The following BICRA variants were observed in gnomAD, a reference collection of about 807,000 sequenced individuals.
The protein encoded by BICRA is BRD4-interacting chromatin-remodeling complex-associated protein.
In BICRA, 31 loss-of-function variants were observed where a neutral mutation model predicts 96.9. The ratio of observed to expected loss-of-function variants is 0.32; its 90% CI spans 0.24 to 0.43. BICRA has a LOEUF of 0.43. BICRA is among the 20% of genes least tolerant of loss of function. The probability of loss-of-function intolerance (pLI) is 1.00; values close to 1 mark genes in which losing one functional copy is unlikely to be tolerated. For missense variants in BICRA, 2,283 were observed against 2,190.3 expected (o/e 1.04, Z -0.84); for synonymous variants, 1,350 against 1,071.8 (o/e 1.26, Z -5.07).
chr19:47,635,584 C>T (rs751289528), intron 1 of BICRA, among the ~76,000 whole-genome samples: 20 of 151,992 alleles, frequency 1.3e-4, no homozygotes, highest in Non-Finnish European at 2.4e-4. Flanking sequence ...AACAGAAGCT[C>T]GATACCTGTT....
At chr19:47,616,616 G>A (rs951610941) in intron 1 of BICRA, among the ~76,000 whole-genome samples, 2 of 151,338 alleles carry the variant, frequency 1.3e-5, no homozygotes, top group Non-Finnish European at 2.9e-5. Context: ...TCCAGCCAGG[G>A]CGACAGAGCA....
rs893305514 is a variant in BICRA at position 47,693,756 on chromosome 19, G to A, written c.2284-359G>A. ...CGGGTGTGGTGCCCCTGCTGCCACC[G>A]CCACCACTGCCTCTGCTTCCTCTGC... On this transcript the variant is annotated intron_variant, in intron 7 of 14. Transcript: ENST00000594866. 2.0e-5 allele frequency among the ~76,000 whole-genome samples: 3 copies of A among 152,252 alleles called. No individual in the cohort carries two copies. The East Asian group carries it at 5.8e-4, about 29-fold the overall frequency.
At chr19:47,616,823 T>C (rs951668198) in intron 1 of BICRA, among the ~76,000 whole-genome samples, 1 of 151,770 alleles carries the variant, frequency 6.6e-6, no homozygotes. Context: ...TATTATCTTT[T>C]ATTTTTATTA....
chr19:47,653,223 A>C (rs752387647), intron 1 of BICRA, among the ~76,000 whole-genome samples: 2 of 151,402 alleles, frequency 1.3e-5, no homozygotes, highest in Non-Finnish European at 2.9e-5. Flanking sequence ...GGGTTTCATC[A>C]TGTTGGCCAG....
At chr19:47,621,481 T>C (rs1211147847) in intron 1 of BICRA, among the ~76,000 whole-genome samples, 1 of 151,846 alleles carries the variant, frequency 6.6e-6, no homozygotes, top group African/African-American at 2.4e-5. Flanking sequence ...TTTTTTTTTT[T>C]TTTAAATGCG....
rs759806060 is a variant in BICRA at position 47,695,446 on chromosome 19, C to A, written c.3158C>A (p.Ser1053Tyr). 6.3e-7 allele frequency: 1 copy of A among 1,590,188 alleles called. No individual in the cohort carries two copies. Among genetic ancestry groups the A allele is most frequent in the African/African-American group, 1.3e-5 (1 of 74,352 alleles). Reference sequence around the variant, plus strand: ...CTGAATGTGGCCAAGGCCGCTTCCTCCGGGCCAGGGAAGCCCTCCGGGCTG... The same window carrying A: ...CTGAATGTGGCCAAGGCCGCTTCCTACGGGCCAGGGAAGCCCTCCGGGCTG... ...PTLNVAKAAS[S>Y]GPGKPSGLQY... is the part of the protein sequence containing the mutation. The change falls in exon 10 of 15, where the codon TCC becomes TAC. Residue 1053 changes from serine to tyrosine, a missense_variant. Physicochemically the swap from Ser to Tyr is moderately radical, Grantham distance 144. Transcript: ENST00000594866.
intron 1 of BICRA, among the ~76,000 whole-genome samples, chr19:47,613,190 C>T (rs1485310845): frequency 6.6e-6 from 1 of 151,962 alleles, no homozygotes; most frequent in Non-Finnish European, 1.5e-5. Context: ...CACCCAGAGG[C>T]CTATGAAGGG....
chr19:47,632,597 G>T (rs1014198635), intron 1 of BICRA, among the ~76,000 whole-genome samples: 1 of 152,180 alleles, frequency 6.6e-6, no homozygotes, highest in Non-Finnish European at 1.5e-5. Flanking sequence ...CGCACGTGTG[G>T]GCTCCCATCA....
chr19:47,687,447 C>G (rs1421407406), intron 7 of BICRA, among the ~76,000 whole-genome samples: 1 of 152,058 alleles, frequency 6.6e-6, no homozygotes, highest in African/African-American at 2.4e-5. Flanking sequence ...ATTCAGTCCC[C>G]TCTTGAGGAA....
intron 1 of BICRA, among the ~76,000 whole-genome samples, chr19:47,653,005 C>A (rs980897517): frequency 3.3e-5 from 5 of 150,182 alleles, no homozygotes; most frequent in Non-Finnish European, 1.5e-5. Context: ...ACACAAAGAA[C>A]GTCCTCATTC....
intron 1 of BICRA, among the ~76,000 whole-genome samples, chr19:47,668,858 T>C (rs1471846409): frequency 2.0e-5 from 3 of 150,508 alleles, no homozygotes; most frequent in African/African-American, 7.3e-5. Context: ...AGTGGCTCAC[T>C]CCTGTAATCC....
Position 47,694,722 on chromosome 19 carries a change from A to G in BICRA, c.2891A>G (p.His964Arg). The G allele has an allele frequency of 6.7e-7, 1 of 1,498,788 alleles. No individual in the cohort carries two copies. The highest frequency in any genetic ancestry group is 9.1e-7 in the Non-Finnish European group (1 of 1,096,572). 92.8% of individuals were successfully genotyped at this position (1,498,788 alleles called of 1,614,324 possible). The change falls in exon 8 of 15, where the codon CAC becomes CGC. Residue 964 changes from histidine (H) to arginine (R), a missense_variant. Coordinates refer to ENST00000594866, the MANE Select transcript of BICRA (RefSeq NM_001394372.1). ...PQPKALLERF[H>R]QVPSGIILQN... ...CCGAAGGCTCTTCTCGAGAGATTTC[A>G]CCAGGTAACGGGAGGCAGGGACTGC...
chr19:47,620,667 CAAAAAAAAA>C (rs10675281), intron 1 of BICRA, among the ~76,000 whole-genome samples: 7 of 67,724 alleles, frequency 1.0e-4, no homozygotes, highest in Admixed American at 4.0e-4. Flanking sequence ...GAGACTGTCT[CAAAAAAAAA>C]AAAAAAAAAA....
Position 47,703,202 on chromosome 19 carries a change from A to G in BICRA, c.*787A>G, listed in dbSNP as rs1425872434. On this transcript the variant is annotated 3_prime_UTR_variant, in exon 15 of 15. Transcript: ENST00000594866. ...TTTTGTACTGTATTTATTGTGTATAACGATTTTTTTAAAGGAGAATTCTGT... is the reference window on the plus strand; with the variant it reads ...TTTTGTACTGTATTTATTGTGTATAGCGATTTTTTTAAAGGAGAATTCTGT... The G allele has an allele frequency of 6.6e-6, 1 of 152,576 alleles. No homozygotes were observed. Among genetic ancestry groups the G allele is most frequent in the Non-Finnish European group, 1.5e-5 (1 of 68,036 alleles). 9.5% of individuals were successfully genotyped at this position (152,576 alleles called of 1,614,324 possible).
rs969917352 is a variant in BICRA, at chr19:47,652,994, T to C, written c.-107-17449T>C. The stretch of plus-strand genomic sequence containing the variant: ...AGTCTGGGCGATCTTTCCCTATCAG[T>C]ACACAAAGAACGTCCTCATTCTTTT... On this transcript the variant is annotated intron_variant, in intron 1 of 14. Coordinates refer to ENST00000594866, the MANE Select transcript of BICRA (RefSeq NM_001394372.1). 2.0e-5 allele frequency among the ~76,000 whole-genome samples: 3 copies of C among 151,086 alleles called. No individual in the cohort carries two copies. The South Asian group carries it at 6.3e-4, about 31-fold the overall frequency.
At chr19:47,618,982 A>G (rs888966926) in intron 1 of BICRA, among the ~76,000 whole-genome samples, 1 of 152,144 alleles carries the variant, frequency 6.6e-6, no homozygotes, top group Non-Finnish European at 1.5e-5. Context: ...TAGCTGGACT[A>G]TAACCTCCAT....
intron 1 of BICRA, among the ~76,000 whole-genome samples, chr19:47,609,853 C>A (rs972909890): frequency 4.6e-5 from 7 of 152,040 alleles, no homozygotes; most frequent in Admixed American, 2.0e-4. Context: ...CCCTTCGCAC[C>A]GCCCCTAAAC....
In BICRA at chr19:47,638,234, C is replaced by A. The variant is rs186216062; in HGVS notation, c.-108+29066C>A. On this transcript the variant is annotated intron_variant, in intron 1 of 14. Transcript: ENST00000594866. ...AGGCCCTGAGGCAGCTCTGCTCCCC[C>A]CTCAGGGAGGCCTCAGCCTGCCCTG... Among the ~76,000 whole-genome samples the A allele has an allele frequency of 2.5e-3, 388 of 152,322 alleles. 3 individuals are homozygous for A. The highest frequency in any genetic ancestry group is 3.0e-3 in the Non-Finnish European group (204 of 68,034).
intron 1 of BICRA, among the ~76,000 whole-genome samples, chr19:47,620,132 G>A (rs1972043542): frequency 6.6e-6 from 1 of 152,158 alleles, no homozygotes; most frequent in African/African-American, 2.4e-5. Context: ...TATCGGGAGT[G>A]TCTTCCTTTA....
Sources: allele counts gnomAD v4.1 joint callset (sites outside exome capture counted in the v4.1 genomes callset), GRCh38; gene constraint gnomAD v4.1.1; transcripts MANE v1.5; gene names NCBI Gene and HGNC (gene_info 2026-07-23, HGNC 2026-07-21).